The following ZNF43 variants were observed in gnomAD, a reference collection of about 807,000 sequenced individuals.
The protein encoded by ZNF43 is zinc finger protein 39-like 1 (KOX 27).
A neutral mutation model predicts 68.4 loss-of-function variants in ZNF43; 44 were observed. The ratio of observed to expected loss-of-function variants is 0.64; its 90% confidence interval spans 0.51 to 0.83. The LOEUF is 0.83. Among genes scored for constraint, ZNF43 ranks in the 40% least tolerant of loss-of-function variants. The pLI, the probability that ZNF43 is intolerant of heterozygous loss-of-function variation, is 0.00. For synonymous variants in ZNF43, 308 were observed against 307.8 expected (o/e 1.00, Z -0.01); for missense variants, 896 against 933.2 (o/e 0.96, Z 0.52).
intron 1 of ZNF43, among the ~76,000 whole-genome samples, chr19:21,847,966 G>A (rs1019837039): frequency 6.6e-6 from 1 of 151,788 alleles, no homozygotes; most frequent in African/African-American, 2.4e-5. Context: ...GGGACTACAG[G>A]CACACACCAC....
At chr19:21,830,537 G>A (rs1174616341) in intron 1 of ZNF43, among the ~76,000 whole-genome samples, 8 of 144,956 alleles carry the variant, frequency 5.5e-5, no homozygotes, top group Non-Finnish European at 3.0e-5. Flanking sequence ...TCCTAGACAC[G>A]TACATCCTCC....
At chr19:21,835,249 C>CAAAAAAA (rs377486360) in intron 1 of ZNF43, among the ~76,000 whole-genome samples, 8 of 82,558 alleles carry the variant, frequency 9.7e-5, no homozygotes, top group Non-Finnish European at 9.9e-5. Context: ...AAGTCCATCT[C>CAAAAAAA]AAAAAAAAAA....
At chr19:21,842,726 G>C (rs1967630081) in intron 1 of ZNF43, among the ~76,000 whole-genome samples, 1 of 152,176 alleles carries the variant, frequency 6.6e-6, no homozygotes, top group African/African-American at 2.4e-5. Flanking sequence ...CCTGAGAAAA[G>C]TGGTATGTCA....
intron 2 of ZNF43, 72 bp from the exon 3 acceptor site, chr19:21,818,058 G>A (rs916486972): frequency 1.4e-6 from 2 of 1,428,576 alleles, no homozygotes; most frequent in East Asian, 4.7e-5. Flanking sequence ...AATGTGTCCA[G>A]TATGAAGGGT....
intron 1 of ZNF43, among the ~76,000 whole-genome samples, chr19:21,846,278 T>C (rs988833207): frequency 6.6e-6 from 1 of 152,012 alleles, no homozygotes; most frequent in Non-Finnish European, 1.5e-5. Context: ...TGTGGACAGA[T>C]TCAGAAATAA....
chr19:21,818,120 G>A lies in ZNF43; in HGVS notation c.131-134C>T, dbSNP rs946690312. 4.9e-6 allele frequency: 4 copies of A among 814,190 alleles called. No homozygotes were observed. The African/African-American group carries it at 7.6e-5, about 15-fold the overall frequency. 50.4% of individuals were successfully genotyped at this position (814,190 alleles called of 1,614,324 possible). The stretch of plus-strand genomic sequence containing the variant: ...CCAAAATACTAATTTTTTTTTTTTT[G>A]GAGATGGAGTCTCAATCTGTCACCA... On this transcript the variant is annotated intron_variant, in intron 2 of 3. Transcript: ENST00000354959.
intron 1 of ZNF43, among the ~76,000 whole-genome samples, chr19:21,819,667 GAGTTTCTA>G (rs1180266084): frequency 6.6e-6 from 1 of 152,172 alleles, no homozygotes; most frequent in Non-Finnish European, 1.5e-5. Context: ...AATAAAGTCT[GAGTTTCTA>G]AGTTTCTAAC....
At position 21,807,742 on chromosome 19, in the gene ZNF43, T is replaced by A. The variant is rs1428974448; in HGVS notation, c.2295A>T (p.Lys765Asn). 1 of 1,613,694 alleles carries A rather than the reference T, an allele frequency of 6.2e-7. No homozygotes were observed. The highest frequency in any genetic ancestry group is 1.1e-5 in the South Asian group (1 of 91,038). ...ATTGGTTGAAAGCTTTGCCACATTC[T>A]TTACATTTGTAGGGTTGCTCTTTAG... Reference protein sequence around the residue: ...IHTKEQPYKCKECGKAFNQYS... With the variant: ...IHTKEQPYKCNECGKAFNQYS... The change falls in exon 4 of 4, where the codon AAA becomes AAT. Residue 765 changes from lysine to asparagine, a missense_variant. Coordinates refer to ENST00000354959, the MANE Select transcript of ZNF43 (RefSeq NM_003423.4).
chr19:21,852,044 A>G, exon 1 of ZNF43: 1 of 1,257,708 alleles, frequency 8.0e-7, no homozygotes, highest in Non-Finnish European at 1.1e-6. Flanking sequence ...GCGGGTCCCA[A>G]GGTCTAGCGG....
chr19:21,843,390 C>A (rs1376866691), intron 1 of ZNF43: 3 of 985,184 alleles, frequency 3.0e-6, no homozygotes, highest in Non-Finnish European at 2.4e-6. Flanking sequence ...AGGTATGAGT[C>A]AATACCATTT....
chr19:21,851,902 C>A, intron 1 of ZNF43: 1 of 1,579,344 alleles, frequency 6.3e-7, no homozygotes, highest in Non-Finnish European at 8.6e-7. Flanking sequence ...CCCGCACACT[C>A]ACCATTTCCC....
At chr19:21,844,921 A>AAAAAAAAAAAAAAATATTTATAT (rs1310761266) in intron 1 of ZNF43, among the ~76,000 whole-genome samples, 1 of 26,052 alleles carries the variant, frequency 3.8e-5, no homozygotes, top group African/African-American at 2.2e-4. Context: ...AAAAAAAAAA[A>AAAAAAAAAAAAAAATATTTATAT]ATATATATAT....
intron 1 of ZNF43, among the ~76,000 whole-genome samples, chr19:21,846,842 A>G (rs761990105): frequency 5.3e-5 from 8 of 152,132 alleles, no homozygotes; most frequent in Non-Finnish European, 1.2e-4. Context: ...CATAAAAGTT[A>G]TATCACCTGG....
chr19:21,836,936 T>G (rs1299249658), upstream of ZNF43, among the ~76,000 whole-genome samples: 1 of 152,182 alleles, frequency 6.6e-6, no homozygotes, highest in Non-Finnish European at 1.5e-5. Context: ...TGAGGTCCAT[T>G]AATAGAATTC....
chr19:21,831,011 A>ATC (rs1204272183), intron 1 of ZNF43, among the ~76,000 whole-genome samples: 4 of 152,212 alleles, frequency 2.6e-5, no homozygotes, highest in African/African-American at 9.6e-5. Flanking sequence ...CCACAAGATT[A>ATC]TCTCAATAGA....
intron 1 of ZNF43, among the ~76,000 whole-genome samples, chr19:21,849,314 C>T (rs1484038887): frequency 2.7e-5 from 4 of 150,776 alleles, no homozygotes; most frequent in African/African-American, 9.8e-5. Flanking sequence ...CACTGAGAAA[C>T]CCCGTCTCTA....
upstream of ZNF43, among the ~76,000 whole-genome samples, chr19:21,836,825 C>T (rs1294749452): frequency 1.3e-5 from 2 of 152,110 alleles, no homozygotes; most frequent in Non-Finnish European, 2.9e-5. Context: ...CTCTTGGGCT[C>T]AATGAATCCT....
In ZNF43 at chr19:21,851,761, G is replaced by A. The variant is rs1968386388; in HGVS notation, c.30+144C>T. 6 of 846,204 alleles carry A rather than the reference G, an allele frequency of 7.1e-6. No homozygotes were observed. In the South Asian group the frequency reaches 7.6e-5, roughly 11 times the overall value. 52.4% of individuals were successfully genotyped at this position (846,204 alleles called of 1,614,324 possible). A position where few individuals can be genotyped will look rare whatever the true frequency, so the allele number is the denominator to read the frequency against. On this transcript the variant is annotated intron_variant, in intron 1 of 3. Transcript: ENST00000357491. ...CGGGACGCGGGAGGCTCGGCTGCGG[G>A]CCCAGCCGCCATCTTGCGGCCAGAG...
chr19:21,832,418 T>G (rs1478882196), intron 1 of ZNF43, among the ~76,000 whole-genome samples: 1 of 152,178 alleles, frequency 6.6e-6, no homozygotes, highest in African/African-American at 2.4e-5. Context: ...TGTAAAATTA[T>G]TTTTAAAAAA....
Sources: allele counts gnomAD v4.1 joint callset (sites outside exome capture counted in the v4.1 genomes callset), GRCh38; gene constraint gnomAD v4.1.1; transcripts MANE v1.5; gene names NCBI Gene and HGNC (gene_info 2026-07-23, HGNC 2026-07-21).